The following B3GALT1 variants were observed in gnomAD, a reference collection of about 807,000 sequenced individuals.
B3GALT1 encodes UDP-Gal:betaGlcNAc beta 1,3-galactosyltransferase, polypeptide 1.
In B3GALT1, 10 loss-of-function variants were observed where a neutral mutation model predicts 23.2. The ratio of observed to expected loss-of-function variants is 0.43; its 90% CI spans 0.27 to 0.73. The LOEUF (loss-of-function observed/expected upper bound fraction) is 0.73. Ranked by LOEUF, B3GALT1 falls within the 30% of genes least tolerant of loss-of-function variation. B3GALT1 has a pLI of 0.21. For synonymous variants in B3GALT1, 156 were observed against 141.5 expected (o/e 1.10, Z -0.73); for missense variants, 299 against 405.4 (o/e 0.74, Z 2.25).
At chr2:167,435,941 C>CCACA (rs1267168953) in intron 1 of B3GALT1, among the ~76,000 whole-genome samples, 2 of 143,940 alleles carry the variant, frequency 1.4e-5, no homozygotes, top group East Asian at 4.1e-4. Context: ...TGTCTACCCT[C>CCACA]CACACACACA....
chr2:167,726,210 C>A (rs150376971), intron 3 of B3GALT1, among the ~76,000 whole-genome samples: 5 of 152,162 alleles, frequency 3.3e-5, no homozygotes, highest in African/African-American at 4.8e-5. Flanking sequence ...GTATTTCTAG[C>A]ACACCAAGCT....
intron 2 of B3GALT1, among the ~76,000 whole-genome samples, chr2:167,628,402 A>AGTACC (rs145008371): frequency 0.066 from 9,946 of 151,570 alleles, 1,102 homozygotes; most frequent in African/African-American, 0.23. Context: ...CATGGCTTGT[A>AGTACC]GTACCATTCA....
rs149491624 is a variant in B3GALT1, at chr2:167,569,442, A to G, written c.-409-77467A>G. Among the ~76,000 whole-genome samples the G allele has an allele frequency of 2.0e-5, 3 of 151,876 alleles. No homozygotes were observed. The South Asian group carries it at 6.2e-4, about 31-fold the overall frequency. ...TTAAATATTTGTACCCAAGTATTTC[A>G]TTTTTGGTGGTGCTAATTTAACTGG... is the stretch of plus-strand genomic sequence containing the variant. On this transcript the variant is annotated intron_variant, in intron 2 of 4. Transcript: ENST00000392690.
chr2:167,663,402 A>T (rs1686107580), intron 3 of B3GALT1, among the ~76,000 whole-genome samples: 1 of 151,822 alleles, frequency 6.6e-6, no homozygotes, highest in East Asian at 1.9e-4. Flanking sequence ...GCTATTGTGA[A>T]TAATGCCGCA....
chr2:167,352,384 G>C (rs2105256542), intron 1 of B3GALT1, among the ~76,000 whole-genome samples: 1 of 151,164 alleles, frequency 6.6e-6, no homozygotes, highest in East Asian at 1.9e-4. Context: ...CCTGTCGATA[G>C]AGTTTGTGTA....
chr2:167,474,657 A>G (rs1304663885), intron 1 of B3GALT1, among the ~76,000 whole-genome samples: 1 of 152,074 alleles, frequency 6.6e-6, no homozygotes, highest in Non-Finnish European at 1.5e-5. Context: ...ACCTGATTCT[A>G]CTCCTGCAGT....
At chr2:167,832,400 C>T (rs1202532931) in intron 4 of B3GALT1, among the ~76,000 whole-genome samples, 1 of 152,192 alleles carries the variant, frequency 6.6e-6, no homozygotes, top group African/African-American at 2.4e-5. Context: ...AAGAGGTGTA[C>T]AAACCTCCCA....
At chr2:167,436,720 G>A (rs1412474438) in intron 1 of B3GALT1, among the ~76,000 whole-genome samples, 1 of 151,902 alleles carries the variant, frequency 6.6e-6, no homozygotes, top group Non-Finnish European at 1.5e-5. Flanking sequence ...TACAAGATAC[G>A]GTGTGGGCTT....
intron 1 of B3GALT1, among the ~76,000 whole-genome samples, chr2:167,389,914 A>T (rs1482754386): frequency 7.3e-6 from 1 of 137,670 alleles, no homozygotes; most frequent in Non-Finnish European, 1.5e-5. Context: ...CTGTCCAAAA[A>T]AAAAAAAAAA....
intron 1 of B3GALT1, among the ~76,000 whole-genome samples, chr2:167,386,688 G>A (rs1697934169): frequency 6.6e-6 from 1 of 152,118 alleles, no homozygotes; most frequent in Non-Finnish European, 1.5e-5. Context: ...TACAGTATCA[G>A]TGTCTGACAT....
At chr2:167,433,318 G>C (rs1222395645) in intron 1 of B3GALT1, among the ~76,000 whole-genome samples, 1 of 152,026 alleles carries the variant, frequency 6.6e-6, no homozygotes, top group Non-Finnish European at 1.5e-5. Flanking sequence ...ATATACCATA[G>C]TTTATTTATC....
At chr2:167,349,046 T>C (rs1559071875) in intron 1 of B3GALT1, among the ~76,000 whole-genome samples, 1 of 152,192 alleles carries the variant, frequency 6.6e-6, no homozygotes, top group African/African-American at 2.4e-5. Context: ...GGATAGTGTA[T>C]TGAAATATGA....
At chr2:167,313,898 T>A (rs1028427667) in intron 1 of B3GALT1, among the ~76,000 whole-genome samples, 1 of 152,202 alleles carries the variant, frequency 6.6e-6, no homozygotes, top group Non-Finnish European at 1.5e-5. Context: ...GTCTCTTGAT[T>A]GCATTTATTT....
chr2:167,481,889 T>G (rs1559110178), intron 1 of B3GALT1, among the ~76,000 whole-genome samples: 2 of 152,214 alleles, frequency 1.3e-5, no homozygotes, highest in South Asian at 4.1e-4. Flanking sequence ...TAAGGCAGAG[T>G]TAAAAAGTTA....
At chr2:167,564,106 C>G (rs1474793734) in intron 2 of B3GALT1, among the ~76,000 whole-genome samples, 5 of 150,892 alleles carry the variant, frequency 3.3e-5, no homozygotes, top group African/African-American at 1.2e-4. Flanking sequence ...ACCTCTCAGA[C>G]GGGGCGGCTG....
chr2:167,826,897 C>G (rs1385334082), intron 4 of B3GALT1, among the ~76,000 whole-genome samples: 1 of 152,122 alleles, frequency 6.6e-6, no homozygotes, highest in Non-Finnish European at 1.5e-5. Context: ...ATATGCAAAT[C>G]CTGCACCATG....
rs576750170 is a variant in B3GALT1 at position 167,603,446 on chromosome 2, C to T, written c.-409-43463C>T. Reference sequence around the variant, plus strand: ...GTAAAACAGGGAAAACATTAGTATCCTGGTATCCATCATGGGATTGTTGTG... The same window carrying T: ...GTAAAACAGGGAAAACATTAGTATCTTGGTATCCATCATGGGATTGTTGTG... On this transcript the variant is annotated intron_variant, in intron 2 of 4. Coordinates refer to ENST00000392690, the MANE Select transcript of B3GALT1 (RefSeq NM_020981.4). Among the ~76,000 whole-genome samples the T allele has an allele frequency of 2.0e-5, 3 of 152,128 alleles. No homozygotes were observed. The East Asian group carries it at 5.8e-4, about 29-fold the overall frequency.
intron 2 of B3GALT1, among the ~76,000 whole-genome samples, chr2:167,546,490 G>A (rs1683637699): frequency 6.6e-6 from 1 of 152,130 alleles, no homozygotes; most frequent in South Asian, 2.1e-4. Flanking sequence ...GGTGACCGAA[G>A]CCCTGAGGCA....
At chr2:167,824,253 A>C (rs1219168486) in intron 4 of B3GALT1, among the ~76,000 whole-genome samples, 18 of 152,252 alleles carry the variant, frequency 1.2e-4, no homozygotes, top group Non-Finnish European at 4.4e-5. Flanking sequence ...CAATCATGGT[A>C]TGATTTCCAA....
Sources: gnomAD v4.1 joint callset for allele counts (sites outside exome capture counted in the v4.1 genomes callset) on GRCh38, gnomAD v4.1.1 for gene constraint, MANE v1.5 for transcripts, NCBI Gene and HGNC (gene_info 2026-07-23, HGNC 2026-07-21) for gene names.